Variants in COP1 observed in about 807,000 individuals in gnomAD.
The protein encoded by COP1 is E3 ubiquitin-protein ligase COP1.
COP1 carries 24 observed loss-of-function variants against 101.3 expected under a neutral mutation model. The ratio of observed to expected loss-of-function variants is 0.24; its 90% CI spans 0.17 to 0.33. The LOEUF is 0.33. Ranked by LOEUF, COP1 falls within the 10% of genes least tolerant of loss-of-function variation. The pLI is 1.00. For missense variants in COP1, 663 were observed against 906.2 expected (o/e 0.73, Z 3.45); for synonymous variants, 347 against 341.9 (o/e 1.01, Z -0.17).
At chr1:175,990,826 T>C (rs1313908153) in intron 15 of COP1, among the ~76,000 whole-genome samples, 1 of 152,158 alleles carries the variant, frequency 6.6e-6, no homozygotes, top group East Asian at 1.9e-4. Flanking sequence ...GGTATATCTT[T>C]TTCCATCCTG....
At chr1:176,010,001 A>G (rs1664351481) in intron 15 of COP1, among the ~76,000 whole-genome samples, 1 of 151,998 alleles carries the variant, frequency 6.6e-6, no homozygotes, top group Non-Finnish European at 1.5e-5. Flanking sequence ...ACAGTCAATT[A>G]CTGTTTTTCC....
rs1420700280 is a variant in COP1, at chr1:176,162,860, A to G, written c.762+9T>C. On this transcript the variant is annotated intron_variant, in intron 5 of 19. Coordinates refer to ENST00000367669, the MANE Select transcript of COP1 (RefSeq NM_022457.7). ...TTTAAAATTTTTTTTAAGTTTAGCT[A>G]CCACTTACTGCTTCCAGTTGTTTCT... is the stretch of plus-strand genomic sequence containing the variant. 1 of 1,577,242 alleles carries G rather than the reference A, an allele frequency of 6.3e-7. No homozygotes were observed. Among genetic ancestry groups the G allele is most frequent in the Non-Finnish European group, 8.6e-7 (1 of 1,166,186 alleles).
chr1:175,989,138 A>G, intron 16 of COP1: 1 of 357,344 alleles, frequency 2.8e-6, no homozygotes, highest in East Asian at 4.1e-5. Context: ...ATAAAAAACT[A>G]GTATCTTCAG....
intron 1 of COP1, among the ~76,000 whole-genome samples, chr1:176,203,831 T>C (rs1202090827): frequency 6.6e-6 from 1 of 152,210 alleles, no homozygotes; most frequent in Admixed American, 6.5e-5. Flanking sequence ...GGCCAATGTT[T>C]ATTACTGAAA....
chr1:176,003,066 G>GT (rs1416122346), intron 15 of COP1, among the ~76,000 whole-genome samples: 3 of 151,536 alleles, frequency 2.0e-5, no homozygotes, highest in African/African-American at 7.3e-5. Context: ...GTGTGAGATG[G>GT]TATCTCATTG....
intron 11 of COP1, among the ~76,000 whole-genome samples, chr1:176,049,157 C>T (rs925280380): frequency 7.6e-6 from 1 of 131,040 alleles, no homozygotes; most frequent in African/African-American, 3.1e-5. Context: ...CCGGCCTGGG[C>T]AACAGAGCGA....
chr1:176,058,100 G>A (rs1228868848), intron 11 of COP1, among the ~76,000 whole-genome samples: 7 of 125,234 alleles, frequency 5.6e-5, no homozygotes, highest in African/African-American at 1.7e-4. Context: ...GTCAGCCCCC[G>A]CCCGGCCAGC....
At chr1:176,124,271 T>C (rs1036562412) in intron 8 of COP1, among the ~76,000 whole-genome samples, 1 of 152,162 alleles carries the variant, frequency 6.6e-6, no homozygotes, top group Non-Finnish European at 1.5e-5. Context: ...AACAACCCAA[T>C]TATACTTTTT....
chr1:176,081,552 T>C (rs1284932029), intron 10 of COP1, among the ~76,000 whole-genome samples: 8 of 151,568 alleles, frequency 5.3e-5, no homozygotes, highest in Admixed American at 3.3e-4. Flanking sequence ...ATAATAACAA[T>C]AATAATAATA....
intron 18 of COP1, among the ~76,000 whole-genome samples, chr1:175,951,218 C>T (rs564001311): frequency 6.6e-6 from 1 of 151,962 alleles, no homozygotes; most frequent in East Asian, 1.9e-4. Flanking sequence ...CACTGCACTA[C>T]AGCCTGGCCA....
chr1:176,168,204 C>T (rs577536190), intron 3 of COP1, among the ~76,000 whole-genome samples: 14 of 151,802 alleles, frequency 9.2e-5, no homozygotes, highest in African/African-American at 3.1e-4. Flanking sequence ...ATTACCGGTG[C>T]GCACCACCAC....
chr1:176,069,379 G>C (rs1322464173), intron 11 of COP1, among the ~76,000 whole-genome samples: 1 of 152,116 alleles, frequency 6.6e-6, no homozygotes, highest in Non-Finnish European at 1.5e-5. Context: ...CAGGAAACTA[G>C]AAGCCATCAC....
intron 10 of COP1, among the ~76,000 whole-genome samples, chr1:176,083,480 A>C (rs2149409405): frequency 6.6e-6 from 1 of 152,318 alleles, no homozygotes; most frequent in East Asian, 1.9e-4. Flanking sequence ...GGTTACAAAA[A>C]AGGTAGAATT....
chr1:176,157,121 C>G (rs1334717398), intron 5 of COP1, among the ~76,000 whole-genome samples: 9 of 151,978 alleles, frequency 5.9e-5, no homozygotes, highest in Admixed American at 5.9e-4. Context: ...TCTCTTGAAC[C>G]TGGGAGGCAG....
intron 5 of COP1, among the ~76,000 whole-genome samples, chr1:176,154,589 C>T (rs747396862): frequency 5.9e-5 from 9 of 152,038 alleles, no homozygotes; most frequent in South Asian, 2.1e-4. Context: ...ACGATGAGGA[C>T]ACATGGACAC....
chr1:176,015,263 A>T (rs974147647), intron 15 of COP1, among the ~76,000 whole-genome samples: 1 of 152,244 alleles, frequency 6.6e-6, no homozygotes, highest in African/African-American at 2.4e-5. Context: ...TGCTGTCTGT[A>T]GAACAAACTG....
At chr1:176,047,319 A>C (rs1332100085) in intron 11 of COP1, among the ~76,000 whole-genome samples, 1 of 152,194 alleles carries the variant, frequency 6.6e-6, no homozygotes, top group South Asian at 2.1e-4. Context: ...TCCTCATAAC[A>C]ACCTGTGATA....
intron 18 of COP1, among the ~76,000 whole-genome samples, chr1:175,970,867 G>C (rs978154776): frequency 6.6e-6 from 1 of 152,100 alleles, no homozygotes; most frequent in Non-Finnish European, 1.5e-5. Context: ...TTTTCTGAAA[G>C]ACCTGGGTCA....
intron 3 of COP1, among the ~76,000 whole-genome samples, chr1:176,171,229 T>A (rs1696017660): frequency 6.6e-6 from 1 of 151,966 alleles, no homozygotes; most frequent in Admixed American, 6.6e-5. Flanking sequence ...ATCTTCTGGA[T>A]AATTTGCTAC....
Sources: allele counts gnomAD v4.1 joint callset (sites outside exome capture counted in the v4.1 genomes callset), GRCh38; gene constraint gnomAD v4.1.1; transcripts MANE v1.5; gene names NCBI Gene and HGNC (gene_info 2026-07-23, HGNC 2026-07-21).